Variants in PSEN1 observed in about 807,000 individuals in gnomAD.
PSEN1 encodes presenilin-1.
A neutral mutation model predicts 53.5 loss-of-function variants in PSEN1; 15 were observed. That is an observed-to-expected ratio of 0.28 (90% CI 0.19 to 0.43). PSEN1 has a LOEUF of 0.43. PSEN1 is among the 20% of genes least tolerant of loss of function. The pLI, the probability that PSEN1 is intolerant of heterozygous loss-of-function variation, is 1.00. For missense variants in PSEN1, 387 were observed against 571.2 expected (o/e 0.68, Z 3.29); for synonymous variants, 208 against 209.8 (o/e 0.99, Z 0.08).
At chr14:73,145,338 A>G (rs1027375593) in intron 1 of PSEN1, among the ~76,000 whole-genome samples, 2 of 151,318 alleles carry the variant, frequency 1.3e-5, no homozygotes, top group Non-Finnish European at 2.9e-5. Context: ...TTATTATTTT[A>G]TTATTTGTTT....
chr14:73,163,045 C>T (rs1041422927), intron 3 of PSEN1, among the ~76,000 whole-genome samples: 2 of 152,022 alleles, frequency 1.3e-5, no homozygotes, highest in African/African-American at 2.4e-5. Context: ...TATTTCCTTT[C>T]GATTATCATC....
At chr14:73,145,494 C>G (rs1295458982) in intron 1 of PSEN1, among the ~76,000 whole-genome samples, 1 of 151,538 alleles carries the variant, frequency 6.6e-6, no homozygotes, top group Non-Finnish European at 1.5e-5. Flanking sequence ...ACCACCCACA[C>G]CCAGCCAATT....
At chr14:73,148,223 A>G (rs1216864791) in intron 3 of PSEN1, 117 bp downstream of exon 3, 4 of 820,400 alleles carry the variant, frequency 4.9e-6, no homozygotes, top group African/African-American at 1.7e-5. Context: ...CCACATTTAT[A>G]ATATATTTGG....
chr14:73,146,254 C>G (rs1292089198), intron 1 of PSEN1: 1 of 139,986 alleles, frequency 7.1e-6, no homozygotes, highest in Non-Finnish European at 1.5e-5. Context: ...GTGACGAGAT[C>G]TTGGCTCACT....
In PSEN1 at chr14:73,162,928, T is replaced by C. The variant is rs143587069; in HGVS notation, c.88-7869T>C. Among the ~76,000 whole-genome samples, 645 of 152,316 alleles carry C rather than the reference T, an allele frequency of 4.2e-3. 4 individuals carry two copies. Among genetic ancestry groups the C allele is most frequent in the African/African-American group, 0.015 (605 of 41,566 alleles). ...TTGTACTCTATACCTTTTAATACTT[T>C]CTTTGAGACCATGTGAATGTTTTAC... On this transcript the variant is annotated intron_variant, in intron 3 of 11. Coordinates refer to ENST00000324501, the MANE Select transcript of PSEN1 (RefSeq NM_000021.4).
chr14:73,174,316 C>T (rs1428848896), intron 5 of PSEN1: 2 of 154,834 alleles, frequency 1.3e-5, no homozygotes, highest in Non-Finnish European at 2.9e-5. Context: ...TCACTGCAGA[C>T]TCAACCCACC....
chr14:73,187,173 T>C (rs1898549332), intron 6 of PSEN1, among the ~76,000 whole-genome samples: 1 of 152,248 alleles, frequency 6.6e-6, no homozygotes, highest in Admixed American at 6.5e-5. Flanking sequence ...TTGAAGATTA[T>C]ATAGTCTTCT....
At chr14:73,177,689 G>C (rs1167009493) in intron 5 of PSEN1, among the ~76,000 whole-genome samples, 1 of 152,150 alleles carries the variant, frequency 6.6e-6, no homozygotes, top group Non-Finnish European at 1.5e-5. Context: ...TTTAAAAAAT[G>C]CTCTTCTGCT....
chr14:73,213,971 A>C (rs1899805792), intron 10 of PSEN1, among the ~76,000 whole-genome samples: 2 of 152,152 alleles, frequency 1.3e-5, no homozygotes, highest in South Asian at 4.1e-4. Flanking sequence ...CGGTAATTCT[A>C]CTCCTAGGTA....
Position 73,171,126 on chromosome 14 carries a change from C to T in PSEN1, c.338+79C>T. On this transcript the variant is annotated intron_variant, in intron 4 of 11. Transcript: ENST00000324501. ...AGCATGTCATCATCACCTTGAAGGC[C>T]TCTGCATTGAAGGGGCATGACTTAG... 5 of 1,546,936 alleles carry T rather than the reference C, an allele frequency of 3.2e-6. No homozygotes were observed. The South Asian group carries it at 5.8e-5, about 18-fold the overall frequency.
rs528464186 is a variant in PSEN1, at chr14:73,197,184, C to T, written c.770-847C>T. Among the ~76,000 whole-genome samples, 8 of 152,222 alleles carry T rather than the reference C, an allele frequency of 5.3e-5. No individual in the cohort carries two copies. The South Asian group carries it at 8.3e-4, about 16-fold the overall frequency. On this transcript the variant is annotated intron_variant, in intron 7 of 11. Coordinates refer to ENST00000324501, the MANE Select transcript of PSEN1 (RefSeq NM_000021.4). Reference sequence around the variant, plus strand: ...TCCTGACCTTGTGATCCGCCCACCTCGGCCTCCCAAAGTGCTGGGATTGCA... The same window carrying T: ...TCCTGACCTTGTGATCCGCCCACCTTGGCCTCCCAAAGTGCTGGGATTGCA...
chr14:73,156,885 A>G (rs1397935949), intron 3 of PSEN1, among the ~76,000 whole-genome samples: 5 of 151,990 alleles, frequency 3.3e-5, no homozygotes, highest in Non-Finnish European at 5.9e-5. Flanking sequence ...GATGATCTCG[A>G]TCTCCTGACC....
At chr14:73,177,943 T>G (rs993755812) in intron 5 of PSEN1, among the ~76,000 whole-genome samples, 1 of 152,088 alleles carries the variant, frequency 6.6e-6, no homozygotes, top group African/African-American at 2.4e-5. Flanking sequence ...TCTTCAAAAT[T>G]TTTCTGTACC....
intron 3 of PSEN1, among the ~76,000 whole-genome samples, chr14:73,157,485 C>T (rs893456117): frequency 2.0e-5 from 3 of 151,974 alleles, no homozygotes; most frequent in Non-Finnish European, 4.4e-5. Flanking sequence ...GTATAATTGA[C>T]GTAAAATGTA....
intron 6 of PSEN1, among the ~76,000 whole-genome samples, chr14:73,188,117 C>T (rs1898581752): frequency 1.3e-5 from 2 of 152,026 alleles, no homozygotes; most frequent in African/African-American, 2.4e-5. Flanking sequence ...TTAGTAGAGA[C>T]AGAGTTTCAC....
intron 8 of PSEN1, among the ~76,000 whole-genome samples, chr14:73,204,156 A>G (rs1899350090): frequency 6.6e-6 from 1 of 151,826 alleles, no homozygotes; most frequent in Non-Finnish European, 1.5e-5. Flanking sequence ...GCACCACCAC[A>G]CCGGGCTAAT....
chr14:73,161,510 A>G (rs1322974768), intron 3 of PSEN1, among the ~76,000 whole-genome samples: 1 of 152,192 alleles, frequency 6.6e-6, no homozygotes, highest in Non-Finnish European at 1.5e-5. Flanking sequence ...TTTATACTCA[A>G]ATTATAGTTT....
At chr14:73,186,963 C>G in intron 6 of PSEN1, 43 bp downstream of exon 6, 1 of 1,419,952 alleles carries the variant, frequency 7.0e-7, no homozygotes, top group African/African-American at 1.4e-5. Context: ...AATTAACTAC[C>G]TTTGTGCTGT....
intron 3 of PSEN1, among the ~76,000 whole-genome samples, chr14:73,152,353 G>GT (rs1897254604): frequency 6.6e-6 from 1 of 150,650 alleles, no homozygotes; most frequent in African/African-American, 2.4e-5. Flanking sequence ...GCTCACACAT[G>GT]TAATCCCAGC....
Sources: allele counts gnomAD v4.1 joint callset (sites outside exome capture counted in the v4.1 genomes callset), GRCh38; gene constraint gnomAD v4.1.1; transcripts MANE v1.5; gene names NCBI Gene and HGNC (gene_info 2026-07-23, HGNC 2026-07-21).